Variants in MAGI1 observed in about 807,000 individuals in gnomAD.
MAGI1 encodes the protein membrane associated guanylate kinase, WW and PDZ domain containing 1.
In MAGI1, 58 loss-of-function variants were observed where a neutral mutation model predicts 139.9. The observed-to-expected ratio is 0.41, with a 90% CI of 0.34 to 0.52. The LOEUF (loss-of-function observed/expected upper bound fraction) is 0.52, where lower values mean the gene tolerates loss of function less well. MAGI1 is among the 20% of genes least tolerant of loss of function. The probability of loss-of-function intolerance (pLI) is 0.12; values close to 1 mark genes in which losing one functional copy is unlikely to be tolerated. For synonymous variants in MAGI1, 812 were observed against 737.9 expected (o/e 1.10, Z -1.63); for missense variants, 1,874 against 1,901.6 (o/e 0.99, Z 0.27).
chr3:65,603,440 T>C (rs2082574036), intron 2 of MAGI1, among the ~76,000 whole-genome samples: 1 of 152,194 alleles, frequency 6.6e-6, no homozygotes, highest in Non-Finnish European at 1.5e-5. Flanking sequence ...ATCTACATAA[T>C]AAAAATTTGA....
intron 2 of MAGI1, among the ~76,000 whole-genome samples, chr3:65,540,831 G>T (rs1318015053): frequency 6.6e-6 from 1 of 152,132 alleles, no homozygotes; most frequent in Non-Finnish European, 1.5e-5. Flanking sequence ...AGCCATGTTG[G>T]TAAAATATAA....
chr3:65,641,460 T>A (rs2084981757), intron 1 of MAGI1, among the ~76,000 whole-genome samples: 10 of 152,198 alleles, frequency 6.6e-5, no homozygotes, highest in Non-Finnish European at 1.5e-5. Context: ...AATTCCAAAG[T>A]GTAGCCAGGG....
intron 1 of MAGI1, among the ~76,000 whole-genome samples, chr3:65,670,722 C>T (rs540751993): frequency 2.0e-5 from 3 of 152,230 alleles, no homozygotes; most frequent in African/African-American, 7.2e-5. Context: ...TCCCCGGGAA[C>T]CTCAGTGGTC....
At chr3:65,718,296 G>A (rs1459880527) in intron 1 of MAGI1, among the ~76,000 whole-genome samples, 1 of 152,116 alleles carries the variant, frequency 6.6e-6, no homozygotes, top group African/African-American at 2.4e-5. Context: ...CTAAGAGATA[G>A]CTTCCTAAGA....
chr3:65,900,544 C>A (rs2061181487), intron 1 of MAGI1, among the ~76,000 whole-genome samples: 1 of 152,106 alleles, frequency 6.6e-6, no homozygotes, highest in South Asian at 2.1e-4. Flanking sequence ...TGTCCAACAC[C>A]ACACATATAA....
intron 1 of MAGI1, among the ~76,000 whole-genome samples, chr3:65,847,856 A>C (rs1175187716): frequency 6.6e-6 from 1 of 152,186 alleles, no homozygotes; most frequent in Non-Finnish European, 1.5e-5. Context: ...CGTCACAGAA[A>C]TAGCAGAGCT....
chr3:65,467,857 C>T (rs1950267405), intron 5 of MAGI1, among the ~76,000 whole-genome samples: 1 of 152,112 alleles, frequency 6.6e-6, no homozygotes, highest in African/African-American at 2.4e-5. Context: ...CAATTTAATG[C>T]AAAAGCTAAG....
At chr3:65,858,228 C>T (rs1052532255) in intron 1 of MAGI1, among the ~76,000 whole-genome samples, 1 of 152,208 alleles carries the variant, frequency 6.6e-6, no homozygotes, top group African/African-American at 2.4e-5. Context: ...TCATGACCAG[C>T]AGAACTTTCC....
At chr3:65,377,744 A>G (rs1942668566) in intron 17 of MAGI1, among the ~76,000 whole-genome samples, 1 of 152,352 alleles carries the variant, frequency 6.6e-6, no homozygotes, top group South Asian at 2.1e-4. Flanking sequence ...TCCATCCATG[A>G]CATGCTATGA....
intron 2 of MAGI1, among the ~76,000 whole-genome samples, chr3:65,497,162 T>A (rs922331350): frequency 1.9e-4 from 29 of 151,892 alleles, no homozygotes; most frequent in African/African-American, 6.5e-4. Context: ...AATAATAATA[T>A]TAAGAGTGAT....
chr3:65,765,753 T>C (rs530444836), intron 1 of MAGI1, among the ~76,000 whole-genome samples: 1 of 152,338 alleles, frequency 6.6e-6, no homozygotes, highest in East Asian at 1.9e-4. Flanking sequence ...TGAAATCTAC[T>C]GATATTTCCA....
chr3:65,519,760 G>A (rs2078069881), intron 2 of MAGI1, among the ~76,000 whole-genome samples: 1 of 152,152 alleles, frequency 6.6e-6, no homozygotes, highest in Admixed American at 6.5e-5. Flanking sequence ...GTGGAAAGAG[G>A]AACAACAGTT....
intron 1 of MAGI1, among the ~76,000 whole-genome samples, chr3:65,799,655 C>G (rs894963459): frequency 6.6e-6 from 1 of 152,076 alleles, no homozygotes; most frequent in East Asian, 1.9e-4. Context: ...CACTGGGGGT[C>G]TTGGAAGATA....
chr3:65,992,011 A>G (rs1247952080), intron 1 of MAGI1, among the ~76,000 whole-genome samples: 2 of 150,206 alleles, frequency 1.3e-5, no homozygotes, highest in African/African-American at 2.5e-5. Context: ...GCAGAACTCC[A>G]TCTCAAAATA....
intron 2 of MAGI1, among the ~76,000 whole-genome samples, chr3:65,548,695 G>C (rs1482792041): frequency 6.6e-6 from 1 of 151,600 alleles, no homozygotes; most frequent in Non-Finnish European, 1.5e-5. Flanking sequence ...GCTAATTTTC[G>C]TATTTTGAAT....
intron 2 of MAGI1, among the ~76,000 whole-genome samples, chr3:65,570,728 A>G (rs752092805): frequency 3.3e-5 from 5 of 152,190 alleles, no homozygotes; most frequent in Non-Finnish European, 5.9e-5. Flanking sequence ...CTGGGCATCT[A>G]AGTTCATTGC....
At chr3:65,801,995 T>C (rs970143877) in intron 1 of MAGI1, among the ~76,000 whole-genome samples, 1 of 152,076 alleles carries the variant, frequency 6.6e-6, no homozygotes, top group Non-Finnish European at 1.5e-5. Context: ...GTTGGGGATC[T>C]AGGTTGGACA....
At chr3:66,022,462 A>T (rs2068016931) in intron 1 of MAGI1, among the ~76,000 whole-genome samples, 1 of 152,210 alleles carries the variant, frequency 6.6e-6, no homozygotes, top group African/African-American at 2.4e-5. Context: ...TTCTCTTTTT[A>T]ATTTTAAAAG....
At position 65,943,928 on chromosome 3, in the gene MAGI1, T is replaced by C. The variant is rs983566907; in HGVS notation, c.313+94068A>G. Reference sequence around the variant, plus strand: ...TTCATTCTACAGAACTCAAAACTTATTTGTGAACTGGGCATTGTTTTCCTC... The same window carrying C: ...TTCATTCTACAGAACTCAAAACTTACTTGTGAACTGGGCATTGTTTTCCTC... On this transcript the variant is annotated intron_variant, in intron 1 of 22. Coordinates refer to ENST00000402939, the MANE Select transcript of MAGI1 (RefSeq NM_001033057.2). 2.6e-5 allele frequency among the ~76,000 whole-genome samples: 4 copies of C among 152,318 alleles called. No individual in the cohort carries two copies. In the South Asian group the frequency reaches 6.2e-4, roughly 24 times the overall value.
Sources: gnomAD v4.1 joint callset for allele counts (sites outside exome capture counted in the v4.1 genomes callset) on GRCh38, gnomAD v4.1.1 for gene constraint, MANE v1.5 for transcripts, NCBI Gene and HGNC (gene_info 2026-07-23, HGNC 2026-07-21) for gene names.